The following ARHGEF7 variants were observed in gnomAD, a reference collection of about 807,000 sequenced individuals.
ARHGEF7 encodes Rho guanine nucleotide exchange factor 7.
Under a neutral mutation model 109.8 loss-of-function variants are expected in ARHGEF7, and 33 were observed. The observed-to-expected ratio is 0.30, with a 90% confidence interval of 0.23 to 0.40. The LOEUF (loss-of-function observed/expected upper bound fraction) is 0.40, where lower values mean the gene tolerates loss of function less well. ARHGEF7 is among the 10% of genes least tolerant of loss of function. The pLI, the probability that ARHGEF7 is intolerant of heterozygous loss-of-function variation, is 1.00. For missense variants in ARHGEF7, 938 were observed against 1,098.5 expected (o/e 0.85, Z 2.07); for synonymous variants, 458 against 424.6 (o/e 1.08, Z -0.97).
rs141768807 is a variant in ARHGEF7, at chr13:111,302,691, G to A, written c.2467-300G>A. On this transcript the variant is annotated intron_variant, in intron 21 of 21. Transcript: ENST00000646102. ...TGGACAAAAAGGCTGGATAGGAGCT[G>A]TCTCGTCCGCAGTTTCCAGCTATTT... 2.1e-3 allele frequency among the ~76,000 whole-genome samples: 314 copies of A among 152,312 alleles called. 1 individual carries two copies. The highest frequency in any genetic ancestry group is 3.4e-3 in the Non-Finnish European group (231 of 68,026).
intron 2 of ARHGEF7, among the ~76,000 whole-genome samples, chr13:111,164,391 T>C (rs1290834423): frequency 6.6e-6 from 1 of 152,228 alleles, no homozygotes; most frequent in Non-Finnish European, 1.5e-5. Context: ...GGCAATACTC[T>C]TAGGCTGACT....
At chr13:111,293,044 T>C in intron 19 of ARHGEF7, 1 of 985,440 alleles carries the variant, frequency 1.0e-6, no homozygotes, top group Admixed American at 6.1e-5. Flanking sequence ...TTCACTCGCA[T>C]CTTCACCCCA....
intron 8 of ARHGEF7, among the ~76,000 whole-genome samples, chr13:111,251,975 C>T (rs533102199): frequency 6.6e-6 from 1 of 152,208 alleles, no homozygotes; most frequent in African/African-American, 2.4e-5. Context: ...CAAAAGGGAT[C>T]TCTTTGTCTG....
chr13:111,300,627 G>A (rs988526893), intron 19 of ARHGEF7, 121 bp from the exon 20 acceptor site: 3 of 668,002 alleles, frequency 4.5e-6, no homozygotes, highest in Middle Eastern at 4.6e-4. Context: ...CTGGATGAAC[G>A]TTTTTAAATG....
chr13:111,150,316 T>G (rs1287476772), intron 1 of ARHGEF7, among the ~76,000 whole-genome samples: 1 of 152,230 alleles, frequency 6.6e-6, no homozygotes, highest in Non-Finnish European at 1.5e-5. Context: ...ATATTTTGGC[T>G]GCTGTGAGAA....
intron 6 of ARHGEF7, among the ~76,000 whole-genome samples, chr13:111,240,743 A>G (rs1377818149): frequency 6.6e-6 from 1 of 152,188 alleles, no homozygotes; most frequent in Non-Finnish European, 1.5e-5. Flanking sequence ...ATTTGGAATA[A>G]TTGTGCCACT....
At chr13:111,190,083 G>A (rs1365311738) in intron 2 of ARHGEF7, among the ~76,000 whole-genome samples, 2 of 152,216 alleles carry the variant, frequency 1.3e-5, no homozygotes, top group East Asian at 3.8e-4. Flanking sequence ...GCTAGTGAAA[G>A]GGCCAGTGGG....
rs188897686 is a variant in ARHGEF7, at chr13:111,204,773, G to A, written c.253-516G>A. 7.9e-5 allele frequency among the ~76,000 whole-genome samples: 12 copies of A among 152,290 alleles called. No homozygotes were observed. The East Asian group carries it at 2.3e-3, about 29-fold the overall frequency. ...CCTGCCCCTTTCCTATCTGGGATCTGCTTCTCCTGTCTGTCCTCCTTTTAC... is the reference window on the plus strand; with the variant it reads ...CCTGCCCCTTTCCTATCTGGGATCTACTTCTCCTGTCTGTCCTCCTTTTAC... On this transcript the variant is annotated intron_variant, in intron 2 of 21. Transcript: ENST00000646102.
chr13:111,158,989 T>C, intron 2 of ARHGEF7: 1 of 718,114 alleles, frequency 1.4e-6, no homozygotes, highest in Non-Finnish European at 2.6e-6. Context: ...ACTGAAATTT[T>C]GTACCCTTTG....
chr13:111,274,105 C>A (rs897763161), intron 10 of ARHGEF7, among the ~76,000 whole-genome samples, 153 bp downstream of exon 10: 1 of 152,172 alleles, frequency 6.6e-6, no homozygotes, highest in Non-Finnish European at 1.5e-5. Flanking sequence ...TGTTTTTCTC[C>A]TTATTCCAGC....
intron 3 of ARHGEF7, among the ~76,000 whole-genome samples, chr13:111,207,676 C>T (rs903629706): frequency 2.6e-5 from 4 of 152,246 alleles, no homozygotes; most frequent in African/African-American, 4.8e-5. Flanking sequence ...CTAATTAGGA[C>T]GAAGTGGCTT....
Position 111,266,831 on chromosome 13 carries a change from C to G in ARHGEF7, c.951-717C>G. 1 of 456,032 alleles carries G rather than the reference C, an allele frequency of 2.2e-6. No homozygotes were observed. Among genetic ancestry groups the G allele is most frequent in the Non-Finnish European group, 4.4e-6 (1 of 226,800 alleles). The allele number at this position is 456,032 out of a possible 1,614,324, so 28.2% of individuals were successfully genotyped here. On this transcript the variant is annotated intron_variant, in intron 8 of 21. Transcript: ENST00000646102. The surrounding 1 kb of genome is among the most constrained non-coding windows in gnomAD (Gnocchi z 4.8). ...ACGTGGTTCTCCTGTTTTCAGCACA[C>G]GTGCCCCTGCTCCGGGTTGTTGCTG...
At chr13:111,302,877 C>T (rs1175226762) in intron 21 of ARHGEF7, 114 bp from the exon 22 acceptor site, 1 of 1,358,686 alleles carries the variant, frequency 7.4e-7, no homozygotes, top group Non-Finnish European at 1.0e-6. Context: ...ATAGGCAGCT[C>T]ACGTGGGATT....
At chr13:111,186,885 G>C (rs923118583) in intron 2 of ARHGEF7, 1 of 985,332 alleles carries the variant, frequency 1.0e-6, no homozygotes, top group African/African-American at 1.7e-5. Context: ...GCAAAAAGAC[G>C]ACTACTTCTT....
At chr13:111,127,223 A>G (rs2067627045) in intron 1 of ARHGEF7, among the ~76,000 whole-genome samples, 1 of 152,268 alleles carries the variant, frequency 6.6e-6, no homozygotes, top group African/African-American at 2.4e-5. Flanking sequence ...GATAACTTTA[A>G]TAACCCTACA....
At chr13:111,136,956 A>G (rs1416569158) in intron 1 of ARHGEF7, among the ~76,000 whole-genome samples, 1 of 152,256 alleles carries the variant, frequency 6.6e-6, no homozygotes, top group African/African-American at 2.4e-5. Flanking sequence ...ATCAGAGAAT[A>G]CTATAAATAC....
intron 1 of ARHGEF7, among the ~76,000 whole-genome samples, chr13:111,148,019 A>T (rs915357388): frequency 3.0e-4 from 45 of 152,292 alleles, no homozygotes; most frequent in African/African-American, 9.6e-4. Flanking sequence ...TATGCTGGTT[A>T]AGCCTCTAGC....
Position 111,287,817 on chromosome 13 carries a change from G to A in ARHGEF7, c.2045-537G>A, listed in dbSNP as rs565662460. Among the ~76,000 whole-genome samples, 21 of 152,350 alleles carry A rather than the reference G, an allele frequency of 1.4e-4. No individual in the cohort carries two copies. The East Asian group carries it at 1.7e-3, about 13-fold the overall frequency. ...CCTGAGCAGCAGGCAGCCAGAGTCC[G>A]GTTCCATAGACAAGATGATGGGCCC... On this transcript the variant is annotated intron_variant, in intron 17 of 21. Coordinates refer to ENST00000646102, the MANE Select transcript of ARHGEF7 (RefSeq NM_001354046.2).
intron 8 of ARHGEF7, chr13:111,265,364 A>T: frequency 2.8e-6 from 1 of 353,648 alleles, no homozygotes; most frequent in South Asian, 2.1e-5. Flanking sequence ...TGAATAAAAA[A>T]TGGTTGAAAA....
Sources: allele counts gnomAD v4.1 joint callset (sites outside exome capture counted in the v4.1 genomes callset), GRCh38; gene constraint gnomAD v4.1.1; non-coding constraint Gnocchi (gnomAD v3.1); transcripts MANE v1.5; gene names NCBI Gene and HGNC (gene_info 2026-07-23, HGNC 2026-07-21).